The following B3GAT2 variants were observed in gnomAD, a reference collection of about 807,000 sequenced individuals.
B3GAT2 encodes the protein galactosylgalactosylxylosylprotein 3-beta-glucuronosyltransferase 2.
In B3GAT2, 26 loss-of-function variants were observed where a neutral mutation model predicts 27.8. That is an observed-to-expected ratio of 0.93 (90% CI 0.68 to 1.30). The LOEUF is 1.30. Ranked by LOEUF, B3GAT2 falls within the 50% of genes most tolerant of loss-of-function variation. The pLI is 0.00. For synonymous variants in B3GAT2, 218 were observed against 195.1 expected (o/e 1.12, Z -0.98); for missense variants, 458 against 459.0 (o/e 1.00, Z 0.02).
intron 2 of B3GAT2, among the ~76,000 whole-genome samples, chr6:70,873,871 C>T (rs1046387927): frequency 5.3e-5 from 8 of 152,048 alleles, no homozygotes; most frequent in Non-Finnish European, 8.8e-5. Context: ...CATTTCAACT[C>T]CAGCATTTCT....
intron 2 of B3GAT2, among the ~76,000 whole-genome samples, chr6:70,876,871 G>A (rs1306965414): frequency 6.6e-6 from 1 of 152,174 alleles, no homozygotes. Flanking sequence ...AGAGCTTTGG[G>A]AGCACAGGAG....
chr6:70,918,211 G>C (rs1772806606), intron 1 of B3GAT2, among the ~76,000 whole-genome samples: 1 of 152,124 alleles, frequency 6.6e-6, no homozygotes, highest in Non-Finnish European at 1.5e-5. Context: ...TTTCATCAGA[G>C]ACCAGGATGG....
chr6:70,859,199 T>C lies in B3GAT2; in HGVS notation c.*2464A>G. ...AGAATATAGGTAAAACATTGGTCTC[T>C]ACCCGCTGGGAATCTAAAAAATTGT... is the stretch of plus-strand genomic sequence containing the variant. On this transcript the variant is annotated 3_prime_UTR_variant, in exon 4 of 4. Transcript: ENST00000230053. 1 of 594,330 alleles carries C rather than the reference T, an allele frequency of 1.7e-6. No individual in the cohort carries two copies. Among genetic ancestry groups the C allele is most frequent in the Admixed American group, 3.3e-5 (1 of 30,028 alleles). 36.8% of individuals were successfully genotyped at this position (594,330 alleles called of 1,614,324 possible).
chr6:70,870,876 T>C (rs974500525), intron 2 of B3GAT2, among the ~76,000 whole-genome samples: 2 of 152,176 alleles, frequency 1.3e-5, no homozygotes, highest in African/African-American at 2.4e-5. Context: ...CTGTGAATTT[T>C]TCATAGATAT....
At position 70,882,154 on chromosome 6, in the gene B3GAT2, T is replaced by C. The variant is rs375847504; in HGVS notation, c.736+11974A>G. Among the ~76,000 whole-genome samples, 12 of 152,114 alleles carry C rather than the reference T, an allele frequency of 7.9e-5. No homozygotes were observed. The East Asian group carries it at 1.3e-3, about 17-fold the overall frequency. ...AGACAACGAGGAAAGCTTCATGAGA[T>C]TGGATTCAGCAGTGACTTCTTAGAT... On this transcript the variant is annotated intron_variant, in intron 2 of 3. Transcript: ENST00000230053.
At position 70,919,826 on chromosome 6, in the gene B3GAT2, G is replaced by T. The variant is rs186349632; in HGVS notation, c.592-25554C>A. Among the ~76,000 whole-genome samples the T allele has an allele frequency of 2.6e-5, 4 of 152,286 alleles. No individual in the cohort carries two copies. The East Asian group carries it at 7.7e-4, about 29-fold the overall frequency. On this transcript the variant is annotated intron_variant, in intron 1 of 3. Coordinates refer to ENST00000230053, the MANE Select transcript of B3GAT2 (RefSeq NM_080742.3). Reference sequence around the variant, plus strand: ...GATGTCTGTTGGCCCCTACTGGGAGGTATCCCCCAATCAGGCTACACAGGG... The same window carrying T: ...GATGTCTGTTGGCCCCTACTGGGAGTTATCCCCCAATCAGGCTACACAGGG...
chr6:70,869,716 T>C (rs1477012735), intron 2 of B3GAT2, among the ~76,000 whole-genome samples: 8 of 152,220 alleles, frequency 5.3e-5, no homozygotes, highest in Non-Finnish European at 1.5e-5. Context: ...TGTATATAAA[T>C]ACAATTGATT....
chr6:70,872,297 T>C (rs1771950063), intron 2 of B3GAT2, among the ~76,000 whole-genome samples: 1 of 151,968 alleles, frequency 6.6e-6, no homozygotes. Context: ...TGTTGATAGT[T>C]GCAATGATTA....
rs896520916 is a variant in B3GAT2 at position 70,956,593 on chromosome 6, C to T, written c.-164G>A. ...AGACCTGGAGCCGCGGGGCTCACTA[C>T]CTGGGCGTGGAGGAGCGGCAGGTTC... On this transcript the variant is annotated 5_prime_UTR_variant, in exon 1 of 4. Transcript: ENST00000230053. 2.1e-6 allele frequency: 3 copies of T among 1,442,028 alleles called. No individual in the cohort carries two copies. Among genetic ancestry groups the T allele is most frequent in the African/African-American group, 1.4e-5 (1 of 69,062 alleles). 89.3% of individuals were successfully genotyped at this position (1,442,028 alleles called of 1,614,324 possible). A position where few individuals can be genotyped will look rare whatever the true frequency, so the allele number is the denominator to read the frequency against.
In B3GAT2 at chr6:70,894,167, C is replaced by T. The variant is rs774249812; in HGVS notation, c.697G>A (p.Gly233Ser). Residue 233 changes from glycine (G) to serine (S), a missense_variant, in exon 2 of 4, where the codon GGC becomes AGC. Gly to Ser is a moderately conservative substitution (Grantham distance 56). Transcript: ENST00000230053. ...GCAAAAGGCCTGTCTGCTCTCCAGCCGGTGTACCAGCCAACAACTTTGCCG... is the reference window on the plus strand; with the variant it reads ...GCAAAAGGCCTGTCTGCTCTCCAGCTGGTGTACCAGCCAACAACTTTGCCG... ...ENGKVVGWYTGWRADRPFAID... is the reference protein window; with the variant it reads ...ENGKVVGWYTSWRADRPFAID... The T allele has an allele frequency of 3.0e-5, 48 of 1,613,250 alleles. No homozygotes were observed. Among genetic ancestry groups the T allele is most frequent in the Non-Finnish European group, 3.9e-5 (46 of 1,179,512 alleles).
In B3GAT2 at chr6:70,857,999, G is replaced by C; in HGVS notation, c.*3664C>G. ...ATTTCAGGGCTTTCCATCGATGGGC[G>C]TGCCTGTGCCTGCAGCTCCTGGCCT... On this transcript the variant is annotated 3_prime_UTR_variant, in exon 4 of 4. Transcript: ENST00000230053. 6.2e-7 allele frequency: 1 copy of C among 1,614,130 alleles called. No individual in the cohort carries two copies. The highest frequency in any genetic ancestry group is 8.5e-7 in the Non-Finnish European group (1 of 1,179,998).
chr6:70,936,545 C>T (rs886526539), intron 1 of B3GAT2, among the ~76,000 whole-genome samples: 1 of 152,142 alleles, frequency 6.6e-6, no homozygotes, highest in African/African-American at 2.4e-5. Context: ...GAAATTATAA[C>T]AAACTGTCTC....
chr6:70,859,466 G>A lies in B3GAT2; in HGVS notation c.*2197C>T. On this transcript the variant is annotated 3_prime_UTR_variant, in exon 4 of 4. Coordinates refer to ENST00000230053, the MANE Select transcript of B3GAT2 (RefSeq NM_080742.3). The stretch of plus-strand genomic sequence containing the variant: ...CAGACACTTATGCCTGATTAGTGAT[G>A]TAGTTTATGTTAGTGTCTTTGAAAC... 1 of 1,192,094 alleles carries A rather than the reference G, an allele frequency of 8.4e-7. No individual in the cohort carries two copies. Among genetic ancestry groups the A allele is most frequent in the African/African-American group, 1.5e-5 (1 of 65,950 alleles). The allele number at this position is 1,192,094 out of a possible 1,614,324, so 73.8% of individuals were successfully genotyped here. A position where few individuals can be genotyped will look rare whatever the true frequency, so the allele number is the denominator to read the frequency against.
rs1314771130 is a variant in B3GAT2, at chr6:70,956,900, CGGCGGCGCTGGG to C, written c.-483_-472del. On this transcript the variant is annotated 5_prime_UTR_variant, in exon 1 of 4. Coordinates refer to ENST00000230053, the MANE Select transcript of B3GAT2 (RefSeq NM_080742.3). Reference sequence around the variant, plus strand: ...TCTCTGGGACGCCTTCGAGGGCGGGCGGCGGCGCTGGGGGCTTTCCTTCCTCACATTCCCGCC... The same window carrying C: ...TCTCTGGGACGCCTTCGAGGGCGGGCGGCTTTCCTTCCTCACATTCCCGCC... 9.8e-7 allele frequency: 1 copy of C among 1,017,708 alleles called. No individual in the cohort carries two copies. The highest frequency in any genetic ancestry group is 1.1e-4 in the East Asian group (1 of 8,998). The allele number at this position is 1,017,708 out of a possible 1,614,324, so 63.0% of individuals were successfully genotyped here. A position where few individuals can be genotyped will look rare whatever the true frequency, so the allele number is the denominator to read the frequency against.
At chr6:70,873,978 G>T (rs1270720865) in intron 2 of B3GAT2, among the ~76,000 whole-genome samples, 1 of 151,812 alleles carries the variant, frequency 6.6e-6, no homozygotes, top group African/African-American at 2.4e-5. Flanking sequence ...ATTTAGACAT[G>T]GTTATCTTTA....
chr6:70,915,576 T>C (rs1772759146), intron 1 of B3GAT2, among the ~76,000 whole-genome samples: 1 of 152,216 alleles, frequency 6.6e-6, no homozygotes, highest in African/African-American at 2.4e-5. Context: ...TTGAGTTAAT[T>C]TTTGTATAAG....
intron 1 of B3GAT2, among the ~76,000 whole-genome samples, chr6:70,938,736 C>G (rs1220273246): frequency 6.6e-6 from 1 of 151,960 alleles, no homozygotes; most frequent in Non-Finnish European, 1.5e-5. Flanking sequence ...TTCCTTACAC[C>G]TTATACAAAA....
chr6:70,864,703 G>A (rs772502899), intron 2 of B3GAT2, among the ~76,000 whole-genome samples: 5 of 152,300 alleles, frequency 3.3e-5, no homozygotes, highest in East Asian at 1.9e-4. Flanking sequence ...AATCTGACCC[G>A]CTGTGAAGCT....
intron 1 of B3GAT2, among the ~76,000 whole-genome samples, chr6:70,918,021 T>C (rs1397005758): frequency 6.6e-6 from 1 of 152,200 alleles, no homozygotes; most frequent in African/African-American, 2.4e-5. Flanking sequence ...ATTATTATTG[T>C]GTGGGAGTCT....
Sources: allele counts gnomAD v4.1 joint callset (sites outside exome capture counted in the v4.1 genomes callset), GRCh38; gene constraint gnomAD v4.1.1; transcripts MANE v1.5; gene names NCBI Gene and HGNC (gene_info 2026-07-23, HGNC 2026-07-21).